TAF4B: variants seen among roughly 807,000 people sequenced by gnomAD.
The protein encoded by TAF4B is TATA-box binding protein associated factor 4b, also known as transcription initiation factor TFIID subunit 4B.
Under a neutral mutation model 86.4 loss-of-function variants are expected in TAF4B, and 38 were observed. That is an observed-to-expected ratio of 0.44 (90% CI 0.34 to 0.58). The LOEUF is 0.58. TAF4B is among the 20% of genes least tolerant of loss of function. TAF4B has a pLI of 0.02. For synonymous variants in TAF4B, 388 were observed against 391.2 expected, an observed-to-expected ratio of 0.99 and a Z score of 0.10; for missense variants, 988 against 1,027.6, an observed-to-expected ratio of 0.96 and a Z score of 0.53.
At position 26,360,804 on chromosome 18, in the gene TAF4B, G is replaced by C. The variant is rs148011537; in HGVS notation, c.2421+3010G>C. ...CAAATTCTTGTATGTATTTGGGTCT[G>C]TTTCTGTACACTCTGAACCAGTGTT... On this transcript the variant is annotated intron_variant, in intron 14 of 14. Coordinates refer to ENST00000269142, the MANE Select transcript of TAF4B (RefSeq NM_005640.3). Among the ~76,000 whole-genome samples the C allele has an allele frequency of 6.1e-3, 936 of 152,226 alleles. 7 individuals carry two copies. The highest frequency in any genetic ancestry group is 0.017 in the African/African-American group (690 of 41,534).
chr18:26,270,099 G>A (rs1388234879), intron 3 of TAF4B, among the ~76,000 whole-genome samples: 2 of 152,088 alleles, frequency 1.3e-5, no homozygotes, highest in Non-Finnish European at 2.9e-5. Flanking sequence ...AATATATTGT[G>A]GAGAGAAAAC....
intron 3 of TAF4B, among the ~76,000 whole-genome samples, chr18:26,268,345 AG>A (rs1417433601): frequency 1.3e-5 from 2 of 152,222 alleles, no homozygotes; most frequent in Non-Finnish European, 1.5e-5. Context: ...GGAAACAAAG[AG>A]GAGGCTAATA....
chr18:26,390,474 C>G lies in TAF4B; in HGVS notation c.*462C>G, dbSNP rs1408327633. 1 of 153,554 alleles carries G rather than the reference C, an allele frequency of 6.5e-6. No individual in the cohort carries two copies. Among genetic ancestry groups the G allele is most frequent in the Non-Finnish European group, 1.4e-5 (1 of 69,070 alleles). The allele number at this position is 153,554 out of a possible 1,614,324, so 9.5% of individuals were successfully genotyped here. A position where few individuals can be genotyped will look rare whatever the true frequency, so the allele number is the denominator to read the frequency against. ...TGGGCTGGAATCAGAAGTTGCTTAG[C>G]TAACTATGACAGTCACCCTCTGTAC... is the stretch of plus-strand genomic sequence containing the variant. On this transcript the variant is annotated 3_prime_UTR_variant, in exon 15 of 15. Transcript: ENST00000269142.
chr18:26,238,161 G>A (rs746576611), intron 1 of TAF4B, among the ~76,000 whole-genome samples: 3 of 152,068 alleles, frequency 2.0e-5, no homozygotes, highest in Admixed American at 6.6e-5. Flanking sequence ...AAGAAAAATC[G>A]GATTTAGTGG....
intron 10 of TAF4B, among the ~76,000 whole-genome samples, chr18:26,318,338 A>G (rs929304577): frequency 6.6e-6 from 1 of 150,454 alleles, no homozygotes; most frequent in East Asian, 1.9e-4. Context: ...AAGAATTCTT[A>G]CTTCTGAATT....
intron 9 of TAF4B, among the ~76,000 whole-genome samples, chr18:26,312,402 G>A (rs970852255): frequency 1.3e-5 from 2 of 151,980 alleles, no homozygotes; most frequent in African/African-American, 2.4e-5. Flanking sequence ...CCTCCTCTAC[G>A]CCTGCCACCA....
chr18:26,382,620 T>A (rs989462078), intron 14 of TAF4B, among the ~76,000 whole-genome samples: 4 of 152,156 alleles, frequency 2.6e-5, no homozygotes, highest in Non-Finnish European at 4.4e-5. Flanking sequence ...GGCTTAAAGC[T>A]GACAATGACA....
chr18:26,320,262 G>C (rs577957665), intron 10 of TAF4B, among the ~76,000 whole-genome samples: 1 of 152,138 alleles, frequency 6.6e-6, no homozygotes, highest in Non-Finnish European at 1.5e-5. Flanking sequence ...TGACCTAATT[G>C]CCTGTATCTT....
At chr18:26,249,694 A>G (rs1038858556) in intron 1 of TAF4B, among the ~76,000 whole-genome samples, 7 of 151,954 alleles carry the variant, frequency 4.6e-5, no homozygotes, top group East Asian at 3.9e-4. Flanking sequence ...TATGGTGACA[A>G]TTTTCTATAT....
intron 13 of TAF4B, among the ~76,000 whole-genome samples, chr18:26,355,104 G>A (rs376558536): frequency 6.6e-6 from 1 of 152,238 alleles, no homozygotes; most frequent in East Asian, 1.9e-4. Flanking sequence ...ATACCTGTAT[G>A]TGTTAGATTT....
In TAF4B at chr18:26,302,322, A is replaced by G. The variant is rs146693508; in HGVS notation, c.1832+8791A>G. On this transcript the variant is annotated intron_variant, in intron 9 of 14. Coordinates refer to ENST00000269142, the MANE Select transcript of TAF4B (RefSeq NM_005640.3). ...TTTAGAGATCCTTCTGGAGATCACA[A>G]AGATAGTCTCCTATATTGTCTTCTA... is the stretch of plus-strand genomic sequence containing the variant. 2.8e-3 allele frequency among the ~76,000 whole-genome samples: 426 copies of G among 151,222 alleles called. 6 individuals carry two copies. The highest frequency in any genetic ancestry group is 0.018 in the East Asian group (94 of 5,156).
intron 5 of TAF4B, 23 bp downstream of exon 5, chr18:26,275,076 G>A: frequency 6.3e-7 from 1 of 1,585,510 alleles, no homozygotes; most frequent in Non-Finnish European, 8.5e-7. Context: ...ATAAAATCCT[G>A]CAAATTCTGG....
chr18:26,229,742 A>T (rs1197680153), intron 1 of TAF4B, among the ~76,000 whole-genome samples: 1 of 152,038 alleles, frequency 6.6e-6, no homozygotes, highest in Non-Finnish European at 1.5e-5. Flanking sequence ...ACCTCAAGTG[A>T]TCAGCCTGCT....
intron 1 of TAF4B, among the ~76,000 whole-genome samples, chr18:26,260,829 TTTC>T (rs1488107181): frequency 1.3e-5 from 2 of 152,228 alleles, no homozygotes; most frequent in Admixed American, 6.5e-5. Context: ...GTATCACACC[TTTC>T]TTCTTTAAGT....
At chr18:26,279,739 A>G (rs1423121784) in intron 5 of TAF4B, among the ~76,000 whole-genome samples, 2 of 152,192 alleles carry the variant, frequency 1.3e-5, no homozygotes, top group African/African-American at 4.8e-5. Context: ...GACATTGTCA[A>G]CAAAAATAAG....
At chr18:26,292,495 A>C in intron 8 of TAF4B, 114 bp downstream of exon 8, 2 of 1,104,242 alleles carry the variant, frequency 1.8e-6, no homozygotes, top group Non-Finnish European at 2.6e-6. Flanking sequence ...TAAAGTTGGC[A>C]CCCATTGAGA....
intron 6 of TAF4B, among the ~76,000 whole-genome samples, chr18:26,284,441 T>C (rs1333413695): frequency 6.6e-6 from 1 of 152,262 alleles, no homozygotes; most frequent in African/African-American, 2.4e-5. Flanking sequence ...ACGACTTGGC[T>C]GTTTGGCACA....
At chr18:26,285,767 A>G in intron 6 of TAF4B, 115 bp from the exon 7 acceptor site, 1 of 1,288,486 alleles carries the variant, frequency 7.8e-7, no homozygotes, top group Non-Finnish European at 1.1e-6. Context: ...CTTCAACTGA[A>G]ATACTTGATA....
intron 10 of TAF4B, among the ~76,000 whole-genome samples, chr18:26,316,470 AGC>A (rs1256270203): frequency 2.6e-4 from 40 of 151,830 alleles, no homozygotes; most frequent in African/African-American, 9.0e-4. Flanking sequence ...GGCTCACTGC[AGC>A]CTCTGCCTCC....
Sources: allele counts gnomAD v4.1 joint callset (sites outside exome capture counted in the v4.1 genomes callset), GRCh38; gene constraint gnomAD v4.1.1; transcripts MANE v1.5; gene names NCBI Gene and HGNC (gene_info 2026-07-23, HGNC 2026-07-21).